PTPRN2: variants seen among roughly 807,000 people sequenced by gnomAD.
PTPRN2 encodes the protein receptor-type tyrosine-protein phosphatase N2.
A neutral mutation model predicts 118.8 loss-of-function variants in PTPRN2; 74 were observed. The observed-to-expected ratio is 0.62, with a 90% CI of 0.52 to 0.76. The LOEUF (loss-of-function observed/expected upper bound fraction) is 0.76. PTPRN2 is among the 30% of genes least tolerant of loss of function. The pLI is 0.00. For synonymous variants in PTPRN2, 641 were observed against 608.0 expected (o/e 1.05, Z -0.80); for missense variants, 1,481 against 1,394.4 (o/e 1.06, Z -0.99).
Position 157,964,712 on chromosome 7 carries a change from A to G in PTPRN2, c.1724-65975T>C, listed in dbSNP as rs1176643861. On this transcript the variant is annotated intron_variant, in intron 11 of 22. Coordinates refer to ENST00000389418, the MANE Select transcript of PTPRN2 (RefSeq NM_002847.5). This position sits in a 1 kb window ranked among gnomAD's most constrained non-coding sequence, Gnocchi z 9.0. ...GCAGCATCATGGACTTGACCGACTC[A>G]CCTCAGAGCTTGGCACTGGGTGCTC... is the stretch of plus-strand genomic sequence containing the variant. Among the ~76,000 whole-genome samples, 1 of 152,076 alleles carries G rather than the reference A, an allele frequency of 6.6e-6. No homozygotes were observed. Among genetic ancestry groups the G allele is most frequent in the Non-Finnish European group, 1.5e-5 (1 of 68,024 alleles).
intron 2 of PTPRN2, among the ~76,000 whole-genome samples, chr7:158,398,722 A>G (rs925410458): frequency 1.3e-5 from 2 of 152,122 alleles, no homozygotes; most frequent in Admixed American, 6.5e-5. Flanking sequence ...TTTCATCTCC[A>G]TATCTCCACA....
At chr7:157,906,697 T>C (rs1797788110) in intron 11 of PTPRN2, among the ~76,000 whole-genome samples, 1 of 152,028 alleles carries the variant, frequency 6.6e-6, no homozygotes, top group African/African-American at 2.4e-5. Flanking sequence ...TACTGTGCAC[T>C]GTGAGCCTTT....
intron 3 of PTPRN2, among the ~76,000 whole-genome samples, chr7:158,312,542 G>A (rs1801918089): frequency 6.9e-6 from 1 of 145,758 alleles, no homozygotes; most frequent in African/African-American, 2.6e-5. Context: ...ACACACATGT[G>A]CTCCAGTGTA....
At chr7:157,850,310 G>A (rs1809175536) in intron 12 of PTPRN2, among the ~76,000 whole-genome samples, 1 of 124,286 alleles carries the variant, frequency 8.0e-6, no homozygotes, top group South Asian at 3.5e-4. Flanking sequence ...GGGATCCCAG[G>A]TCTCCGAATT....
intron 17 of PTPRN2, among the ~76,000 whole-genome samples, chr7:157,584,556 G>A (rs1010831388): frequency 6.6e-6 from 1 of 152,254 alleles, no homozygotes; most frequent in Non-Finnish European, 1.5e-5. Context: ...GCATCCCGCT[G>A]AAGCGGTTGC....
chr7:158,016,783 T>A (rs977891860), intron 11 of PTPRN2, among the ~76,000 whole-genome samples: 10 of 152,196 alleles, frequency 6.6e-5, no homozygotes, highest in South Asian at 2.1e-4. Flanking sequence ...AGGTTTTTTT[T>A]ATGATGCAAA....
At chr7:157,973,159 C>T (rs1176455582) in intron 11 of PTPRN2, among the ~76,000 whole-genome samples, 1 of 152,172 alleles carries the variant, frequency 6.6e-6, no homozygotes, top group Non-Finnish European at 1.5e-5. Context: ...CATGAGATGC[C>T]CTGGAGCAGC....
At chr7:157,856,972 C>T (rs1211792474) in intron 12 of PTPRN2, among the ~76,000 whole-genome samples, 1 of 152,150 alleles carries the variant, frequency 6.6e-6, no homozygotes, top group Non-Finnish European at 1.5e-5. Context: ...TTTTTAGCAG[C>T]ATCTTCTATT....
chr7:158,404,031 C>T (rs1009880001), intron 2 of PTPRN2, among the ~76,000 whole-genome samples: 1 of 152,232 alleles, frequency 6.6e-6, no homozygotes, highest in African/African-American at 2.4e-5. Flanking sequence ...GACACGAAGA[C>T]GTTGTGGTGG....
intron 2 of PTPRN2, among the ~76,000 whole-genome samples, chr7:158,327,316 T>G: frequency 7.0e-6 from 1 of 142,448 alleles, no homozygotes; most frequent in African/African-American, 2.7e-5. Context: ...CACATACACA[T>G]TCTCACATGC....
chr7:158,582,292 G>A (rs1259095217), intron 1 of PTPRN2, among the ~76,000 whole-genome samples: 2 of 152,202 alleles, frequency 1.3e-5, no homozygotes, highest in Non-Finnish European at 2.9e-5. Flanking sequence ...TCTGAGAAGT[G>A]GAACATCATG....
intron 12 of PTPRN2, among the ~76,000 whole-genome samples, chr7:157,683,891 G>C (rs1797035095): frequency 6.6e-6 from 1 of 152,092 alleles, no homozygotes; most frequent in Non-Finnish European, 1.5e-5. Flanking sequence ...CCCGGCCTTG[G>C]TCCTGGCTGC....
intron 5 of PTPRN2, among the ~76,000 whole-genome samples, chr7:158,184,699 C>T (rs898604185): frequency 2.0e-5 from 3 of 152,090 alleles, no homozygotes; most frequent in Non-Finnish European, 2.9e-5. Context: ...ATAATCCCAG[C>T]TACTCGGGAG....
chr7:157,897,301 C>A (rs987242135), intron 12 of PTPRN2, among the ~76,000 whole-genome samples: 1 of 152,166 alleles, frequency 6.6e-6, no homozygotes, highest in Non-Finnish European at 1.5e-5. Flanking sequence ...GTCACAGCCA[C>A]CCCCGGCTGA....
At chr7:158,053,017 C>T (rs569859613) in intron 11 of PTPRN2, among the ~76,000 whole-genome samples, 12 of 152,312 alleles carry the variant, frequency 7.9e-5, no homozygotes, top group East Asian at 5.8e-4. Context: ...TGGCCCCCAT[C>T]GATCCCACCC....
intron 12 of PTPRN2, among the ~76,000 whole-genome samples, chr7:157,883,511 A>T (rs77163425): frequency 0.12 from 17,596 of 149,398 alleles, 1,051 homozygotes; most frequent in East Asian, 0.19. Context: ...CACCCCAAAA[A>T]TGACTGTTGG....
At chr7:157,811,297 CA>C (rs568811949) in intron 12 of PTPRN2, among the ~76,000 whole-genome samples, 2 of 139,128 alleles carry the variant, frequency 1.4e-5, no homozygotes, top group Middle Eastern at 3.9e-3. Context: ...AAAAATAAAA[CA>C]AAAAAAACTC....
At chr7:158,031,818 G>A (rs760371521) in intron 11 of PTPRN2, among the ~76,000 whole-genome samples, 6 of 152,242 alleles carry the variant, frequency 3.9e-5, no homozygotes, top group Non-Finnish European at 8.8e-5. Flanking sequence ...AAAGGTGGGC[G>A]GAAGTCAGAC....
chr7:158,085,486 CGACGCCCATCCACACCCAT>C lies in PTPRN2; in HGVS notation c.1644-4128_1644-4110del, dbSNP rs1384193121. On this transcript the variant is annotated intron_variant, in intron 10 of 22. Coordinates refer to ENST00000389418, the MANE Select transcript of PTPRN2 (RefSeq NM_002847.5). Reference sequence around the variant, plus strand: ...ACACTCCGACACCCATCCACACCCACGACGCCCATCCACACCCATGACGCCCATCCACACAGATGCCCAT... The same window carrying C: ...ACACTCCGACACCCATCCACACCCACGACGCCCATCCACACAGATGCCCAT... 1.0e-4 allele frequency among the ~76,000 whole-genome samples: 12 copies of C among 117,496 alleles called. No individual in the cohort carries two copies. In the East Asian group the frequency reaches 2.4e-3, roughly 23 times the overall value. 77.1% of individuals were successfully genotyped at this position (117,496 alleles called of 152,430 possible).
Sources: allele counts gnomAD v4.1 joint callset (sites outside exome capture counted in the v4.1 genomes callset), GRCh38; gene constraint gnomAD v4.1.1; non-coding constraint Gnocchi (gnomAD v3.1); transcripts MANE v1.5; gene names NCBI Gene and HGNC (gene_info 2026-07-23, HGNC 2026-07-21).